The following ITCH variants were observed in gnomAD, a reference collection of about 807,000 sequenced individuals.
ITCH encodes the protein E3 ubiquitin-protein ligase Itchy homolog.
ITCH carries 28 observed loss-of-function variants against 126.8 expected under a neutral mutation model. The observed-to-expected ratio is 0.22, with a 90% CI of 0.16 to 0.30. The LOEUF is 0.30. Ranked by LOEUF, ITCH falls within the 10% of genes least tolerant of loss-of-function variation. The pLI is 1.00. For synonymous variants in ITCH, 342 were observed against 340.0 expected, an observed-to-expected ratio of 1.01 and a Z score of -0.06; for missense variants, 631 against 1,032.4, an observed-to-expected ratio of 0.61 and a Z score of 5.33.
chr20:34,474,702 G>A (rs1187846453), intron 16 of ITCH, among the ~76,000 whole-genome samples: 1 of 152,186 alleles, frequency 6.6e-6, no homozygotes, highest in Non-Finnish European at 1.5e-5. Context: ...CGGGGTGGTG[G>A]CCTGGCAGAG....
At chr20:34,391,003 T>A (rs2038470602) in intron 2 of ITCH, among the ~76,000 whole-genome samples, 1 of 152,218 alleles carries the variant, frequency 6.6e-6, no homozygotes. Flanking sequence ...TTCACCCGTC[T>A]TGGCCTCCCA....
intron 12 of ITCH, among the ~76,000 whole-genome samples, chr20:34,452,334 C>T (rs540970886): frequency 2.0e-5 from 3 of 152,146 alleles, no homozygotes; most frequent in Non-Finnish European, 4.4e-5. Context: ...TGCTAAAATA[C>T]TGTGTTAAAG....
chr20:34,427,269 A>G (rs1900686900), intron 7 of ITCH, among the ~76,000 whole-genome samples: 1 of 152,136 alleles, frequency 6.6e-6, no homozygotes, highest in Non-Finnish European at 1.5e-5. Flanking sequence ...AAAATAGCAG[A>G]TACTTTTATT....
At chr20:34,440,393 A>G (rs1242675185) in intron 9 of ITCH, 49 bp downstream of exon 9, 1 of 1,328,970 alleles carries the variant, frequency 7.5e-7, no homozygotes, top group African/African-American at 1.4e-5. Context: ...ATTCTTCATA[A>G]GCCTACTTAT....
intron 12 of ITCH, among the ~76,000 whole-genome samples, chr20:34,451,904 T>TA (rs1397991134): frequency 6.6e-6 from 1 of 151,238 alleles, no homozygotes; most frequent in African/African-American, 2.4e-5. Flanking sequence ...CCTGTCTCTA[T>TA]AAAAAAATAC....
At position 34,476,569 on chromosome 20, in the gene ITCH, T is replaced by C. The variant is rs560644277; in HGVS notation, c.1570-1203T>C. On this transcript the variant is annotated intron_variant, in intron 16 of 24. Transcript: ENST00000374864. ...GTTGCTGTATACCTAGCCTATACTA[T>C]TTGTAGAATACTTGGCATAAACGTA... 7.0e-6 allele frequency: 5 copies of C among 713,754 alleles called. No individual in the cohort carries two copies. The African/African-American group carries it at 7.5e-5, about 11-fold the overall frequency. The allele number at this position is 713,754 out of a possible 1,614,324, so 44.2% of individuals were successfully genotyped here.
At chr20:34,499,426 T>G (rs180869616) in intron 23 of ITCH, among the ~76,000 whole-genome samples, 162 of 151,780 alleles carry the variant, frequency 1.1e-3, no homozygotes, top group African/African-American at 3.7e-3. Context: ...GGTTCAGTCT[T>G]GGTAGGTTGT....
intron 16 of ITCH, among the ~76,000 whole-genome samples, chr20:34,474,867 C>T (rs1360564795): frequency 4.0e-5 from 6 of 151,748 alleles, no homozygotes; most frequent in African/African-American, 7.3e-5. Context: ...GACGGGGCGG[C>T]TGCCGGGCGG....
intron 13 of ITCH, among the ~76,000 whole-genome samples, chr20:34,460,665 G>GTCACAAGCTCTTGTGAAAAC (rs1462515757): frequency 6.6e-6 from 1 of 152,062 alleles, no homozygotes; most frequent in Non-Finnish European, 1.5e-5. Flanking sequence ...CTTGTCTAGG[G>GTCACAAGCTCTTGTGAAAAC]TCACAAGAGT....
chr20:34,433,656 CA>C (rs1158804192), intron 7 of ITCH, among the ~76,000 whole-genome samples: 106 of 115,364 alleles, frequency 9.2e-4, no homozygotes, highest in Admixed American at 1.5e-3. Context: ...AACAATGTCT[CA>C]AAAAAAAAAA....
At chr20:34,374,907 T>C (rs1035781946) in intron 2 of ITCH, among the ~76,000 whole-genome samples, 1 of 142,694 alleles carries the variant, frequency 7.0e-6, no homozygotes, top group Non-Finnish European at 1.5e-5. Flanking sequence ...GCCTGGCTAA[T>C]TTTTTGTATT....
intron 6 of ITCH, chr20:34,417,383 C>T: frequency 4.1e-6 from 1 of 241,740 alleles, no homozygotes; most frequent in Non-Finnish European, 7.9e-6. Flanking sequence ...CAGGCGTGAG[C>T]CACTGCGCCC....
At chr20:34,376,404 T>A (rs916102794) in intron 2 of ITCH, among the ~76,000 whole-genome samples, 2 of 151,872 alleles carry the variant, frequency 1.3e-5, no homozygotes, top group African/African-American at 2.4e-5. Context: ...GTCACTGATA[T>A]GTCACTGCAC....
chr20:34,462,089 G>C lies in ITCH; in HGVS notation c.1296-4G>C. ...TTGTTTATGTTTTTTCCTGTGTTTC[G>C]TAGTCAATTAAATGAAAAGCCCTTA... On this transcript the variant is annotated splice_polypyrimidine_tract_variant and splice_region_variant and intron_variant, in intron 13 of 24. Transcript: ENST00000374864. 6.2e-7 allele frequency: 1 copy of C among 1,613,192 alleles called. No homozygotes were observed. Among genetic ancestry groups the C allele is most frequent in the South Asian group, 1.1e-5 (1 of 91,040 alleles).
At chr20:34,412,756 T>C in intron 5 of ITCH, 117 bp downstream of exon 5, 1 of 844,928 alleles carries the variant, frequency 1.2e-6, no homozygotes, top group Non-Finnish European at 1.9e-6. Context: ...TTTACTTGGT[T>C]ATAGGATGAA....
At chr20:34,455,769 C>T (rs1985840211) in intron 12 of ITCH, among the ~76,000 whole-genome samples, 2 of 151,942 alleles carry the variant, frequency 1.3e-5, no homozygotes, top group African/African-American at 2.4e-5. Flanking sequence ...TGAGCTACTG[C>T]GCCCGGCCAA....
intron 9 of ITCH, among the ~76,000 whole-genome samples, chr20:34,440,546 C>A (rs1300177088): frequency 2.0e-5 from 3 of 151,842 alleles, no homozygotes; most frequent in African/African-American, 7.3e-5. Flanking sequence ...GACCTCCGCC[C>A]CCTGGGTTCA....
chr20:34,408,431 CT>C (rs1248514881), intron 3 of ITCH, among the ~76,000 whole-genome samples: 1 of 152,102 alleles, frequency 6.6e-6, no homozygotes, highest in Non-Finnish European at 1.5e-5. Flanking sequence ...TGGAATTCTA[CT>C]GATGGGAATT....
chr20:34,507,734 G>A lies in ITCH; in HGVS notation c.2529G>A (p.Glu843=), dbSNP rs1978325922. Residue 843 remains glutamate (E), a synonymous_variant, in exon 25 of 25, where the codon GAG becomes GAA. Coordinates refer to ENST00000374864, the MANE Select transcript of ITCH (RefSeq NM_031483.7). ...RLDLPPYKSY[E]QLKEKLLFAI... Reference sequence around the variant, plus strand: ...ACCTGCCACCATACAAGAGCTATGAGCAACTGAAGGAAAAGCTGTTGTTTG... The same window carrying A: ...ACCTGCCACCATACAAGAGCTATGAACAACTGAAGGAAAAGCTGTTGTTTG... 6.2e-7 allele frequency: 1 copy of A among 1,613,894 alleles called. No homozygotes were observed. The highest frequency in any genetic ancestry group is 1.1e-5 in the South Asian group (1 of 91,084).
Sources: gnomAD v4.1 joint callset for allele counts (sites outside exome capture counted in the v4.1 genomes callset) on GRCh38, gnomAD v4.1.1 for gene constraint, MANE v1.5 for transcripts, NCBI Gene and HGNC (gene_info 2026-07-23, HGNC 2026-07-21) for gene names.